The following ZPBP variants were observed in gnomAD, a reference collection of about 807,000 sequenced individuals.
ZPBP encodes the protein zona pellucida binding protein, also known as zona pellucida-binding protein 1.
Under a neutral mutation model 44.8 loss-of-function variants are expected in ZPBP, and 26 were observed. The observed-to-expected ratio is 0.58, with a 90% CI of 0.43 to 0.81. The LOEUF (loss-of-function observed/expected upper bound fraction) is 0.81. Among genes scored for constraint, ZPBP ranks in the 30% least tolerant of loss-of-function variants. The pLI is 0.00. For missense variants in ZPBP, 409 were observed against 434.0 expected (o/e 0.94, Z 0.51); for synonymous variants, 174 against 153.2 (o/e 1.14, Z -1.00).
At chr7:49,982,285 ATACATAATATATATAATATATAAT>A (rs1214321034) in intron 7 of ZPBP, among the ~76,000 whole-genome samples, 6 of 50,842 alleles carry the variant, frequency 1.2e-4, no homozygotes, top group Non-Finnish European at 2.9e-4. Flanking sequence ...ATTTATAATT[ATACATAATATATATAATATATAAT>A]TATATAATAT....
At chr7:50,068,142 C>T (rs939990797) in intron 3 of ZPBP, among the ~76,000 whole-genome samples, 2 of 152,008 alleles carry the variant, frequency 1.3e-5, no homozygotes, top group Non-Finnish European at 2.9e-5. Context: ...CTCTTTGTGG[C>T]TTTGTATAAT....
chr7:49,933,766 G>A (rs1274917885), downstream of ZPBP, among the ~76,000 whole-genome samples: 1 of 152,048 alleles, frequency 6.6e-6, no homozygotes, highest in South Asian at 2.1e-4. Flanking sequence ...CATGGATGAA[G>A]CTGGAAACCA....
intron 4 of ZPBP, among the ~76,000 whole-genome samples, chr7:50,039,320 A>T (rs1248852965): frequency 2.0e-5 from 3 of 152,186 alleles, no homozygotes; most frequent in Non-Finnish European, 1.5e-5. Flanking sequence ...CTGGCAGGAG[A>T]AATAATTAGC....
intron 3 of ZPBP, among the ~76,000 whole-genome samples, chr7:50,068,546 A>T (rs939507320): frequency 1.3e-5 from 2 of 151,892 alleles, no homozygotes; most frequent in African/African-American, 4.8e-5. Flanking sequence ...TCCTGTCCAG[A>T]CTAGCTTTTT....
At chr7:50,018,083 GTCTTA>G (rs1351588334) in intron 6 of ZPBP, among the ~76,000 whole-genome samples, 152 bp downstream of exon 6, 6 of 152,004 alleles carry the variant, frequency 3.9e-5, no homozygotes, top group African/African-American at 7.2e-5. Flanking sequence ...TTCTATTAAT[GTCTTA>G]TCTTTTATTA....
In ZPBP at chr7:50,015,666, A is replaced by G. The variant is rs1584047194; in HGVS notation, c.783+2574T>C. On this transcript the variant is annotated intron_variant, in intron 6 of 7. Transcript: ENST00000046087. ...ATTTTTGCAAACTATGTATCCAACAAAGGTCTAATATCCAGAATCTATGAA... is the reference window on the plus strand; with the variant it reads ...ATTTTTGCAAACTATGTATCCAACAGAGGTCTAATATCCAGAATCTATGAA... Among the ~76,000 whole-genome samples, 4 of 148,762 alleles carry G rather than the reference A, an allele frequency of 2.7e-5. No homozygotes were observed. In the Middle Eastern group the frequency reaches 0.014, roughly 509 times the overall value.
intron 2 of ZPBP, among the ~76,000 whole-genome samples, chr7:49,857,485 T>C (rs1790474085): frequency 6.6e-6 from 1 of 152,190 alleles, no homozygotes; most frequent in Non-Finnish European, 1.5e-5. Flanking sequence ...AGTGCTGCAA[T>C]TAACATGGGA....
intron 4 of ZPBP, among the ~76,000 whole-genome samples, chr7:50,039,520 A>C (rs1487535105): frequency 6.6e-6 from 1 of 152,192 alleles, no homozygotes; most frequent in Non-Finnish European, 1.5e-5. Context: ...ACTGATTTAA[A>C]AGCAATTTCA....
At chr7:50,044,369 A>G (rs1337331789) in intron 4 of ZPBP, among the ~76,000 whole-genome samples, 1 of 152,210 alleles carries the variant, frequency 6.6e-6, no homozygotes, top group East Asian at 1.9e-4. Flanking sequence ...AAAATCAATG[A>G]ATCCAGGAGC....
intron 2 of ZPBP, among the ~76,000 whole-genome samples, chr7:49,851,918 T>A (rs1444443237): frequency 6.6e-6 from 1 of 151,654 alleles, no homozygotes; most frequent in Admixed American, 6.6e-5. Flanking sequence ...CCCACAACAC[T>A]GGATCTCTAA....
chr7:49,943,091 A>T lies in ZPBP; in HGVS notation c.962-5469T>A, dbSNP rs532315651. On this transcript the variant is annotated intron_variant, in intron 7 of 7. Coordinates refer to ENST00000046087, the MANE Select transcript of ZPBP (RefSeq NM_007009.3). ...AGGAATCCAGCCCTCTCAGCCAGTCATTGAGGACTATCCACCCACAGTCAG... is the reference window on the plus strand; with the variant it reads ...AGGAATCCAGCCCTCTCAGCCAGTCTTTGAGGACTATCCACCCACAGTCAG... The T allele has an allele frequency of 4.1e-4, 145 of 353,210 alleles. 1 individual carries two copies. In the Middle Eastern group the frequency reaches 4.8e-3, roughly 12 times the overall value. 21.9% of individuals were successfully genotyped at this position (353,210 alleles called of 1,614,324 possible). A position where few individuals can be genotyped will look rare whatever the true frequency, so the allele number is the denominator to read the frequency against.
chr7:49,892,521 A>G (rs1792187813), intron 2 of ZPBP, among the ~76,000 whole-genome samples: 1 of 152,204 alleles, frequency 6.6e-6, no homozygotes, highest in South Asian at 2.1e-4. Context: ...AACCTATTTT[A>G]TTCTGTTAGA....
At chr7:49,959,513 A>G (rs1390107294) in intron 7 of ZPBP, among the ~76,000 whole-genome samples, 1 of 152,138 alleles carries the variant, frequency 6.6e-6, no homozygotes, top group Non-Finnish European at 1.5e-5. Flanking sequence ...TTTAAAAGAG[A>G]GAAAATAAAA....
intron 5 of ZPBP, among the ~76,000 whole-genome samples, chr7:50,020,837 A>AACAC (rs1799062562): frequency 6.6e-6 from 1 of 152,148 alleles, no homozygotes; most frequent in Admixed American, 6.6e-5. Context: ...AAATCAACAA[A>AACAC]AGATAACTTC....
At chr7:49,981,627 T>TTA (rs1796961665) in intron 7 of ZPBP, among the ~76,000 whole-genome samples, 1 of 33,734 alleles carries the variant, frequency 3.0e-5, no homozygotes, top group African/African-American at 2.3e-4. Flanking sequence ...TTATATTATA[T>TTA]TATATTATAT....
At chr7:49,966,152 C>A (rs1264568920) in intron 7 of ZPBP, among the ~76,000 whole-genome samples, 1 of 152,066 alleles carries the variant, frequency 6.6e-6, no homozygotes, top group Non-Finnish European at 1.5e-5. Flanking sequence ...CAAAGAGAAA[C>A]AGACACTTCC....
intron 1 of ZPBP, among the ~76,000 whole-genome samples, chr7:50,090,842 G>A (rs1802955340): frequency 6.6e-6 from 1 of 152,012 alleles, no homozygotes; most frequent in Admixed American, 6.6e-5. Context: ...TAGTTGGACT[G>A]CTGGATCCAG....
At chr7:50,089,579 A>T in intron 2 of ZPBP, 50 bp downstream of exon 2, 2 of 1,357,636 alleles carry the variant, frequency 1.5e-6, no homozygotes, top group Non-Finnish European at 2.1e-6. Flanking sequence ...GATAAATTTA[A>T]ACAAATGCTA....
intron 2 of ZPBP, among the ~76,000 whole-genome samples, chr7:49,900,772 G>A (rs974037951): frequency 4.6e-5 from 7 of 151,614 alleles, no homozygotes; most frequent in African/African-American, 1.5e-4. Flanking sequence ...TTCTTTCAGC[G>A]TTACCCTATT....
Sources: gnomAD v4.1 joint callset for allele counts (sites outside exome capture counted in the v4.1 genomes callset) on GRCh38, gnomAD v4.1.1 for gene constraint, MANE v1.5 for transcripts, NCBI Gene and HGNC (gene_info 2026-07-23, HGNC 2026-07-21) for gene names.